RASGEF1C: variants seen among roughly 807,000 people sequenced by gnomAD.
The protein encoded by RASGEF1C is ras-GEF domain-containing family member 1C.
A neutral mutation model predicts 58.1 loss-of-function variants in RASGEF1C; 27 were observed. The ratio of observed to expected loss-of-function variants is 0.46; its 90% confidence interval spans 0.34 to 0.64. The LOEUF is 0.64. Among genes scored for constraint, RASGEF1C ranks in the 30% least tolerant of loss-of-function variants. RASGEF1C has a pLI of 0.01. For synonymous variants in RASGEF1C, 243 were observed against 246.3 expected (o/e 0.99, Z 0.13); for missense variants, 502 against 605.1 (o/e 0.83, Z 1.79).
chr5:180,109,839 T>TGCTGACA (rs1765929833), intron 12 of RASGEF1C, among the ~76,000 whole-genome samples: 1 of 152,238 alleles, frequency 6.6e-6, no homozygotes, highest in Non-Finnish European at 1.5e-5. Context: ...AAACCAGCCC[T>TGCTGACA]GCTGACAGCT....
intron 1 of RASGEF1C, among the ~76,000 whole-genome samples, chr5:180,204,730 C>G (rs996965376): frequency 3.9e-5 from 6 of 152,056 alleles, no homozygotes; most frequent in Non-Finnish European, 7.4e-5. Context: ...GGCCTTTTTA[C>G]TAAGGTCAGG....
intron 5 of RASGEF1C, 59 bp from the exon 6 acceptor site, chr5:180,127,742 TG>T: frequency 2.7e-6 from 4 of 1,498,400 alleles, no homozygotes; most frequent in Non-Finnish European, 3.6e-6. Flanking sequence ...GGGTGTCCAC[TG>T]GGGGGCCTGC....
chr5:180,121,681 A>ACACCCC (rs71892414), intron 6 of RASGEF1C, among the ~76,000 whole-genome samples: 5 of 73,466 alleles, frequency 6.8e-5, no homozygotes, highest in African/African-American at 1.7e-4. Context: ...ACACACACAC[A>ACACCCC]CCCTCATTAT....
At chr5:180,186,233 G>C (rs1453151819) in intron 1 of RASGEF1C, among the ~76,000 whole-genome samples, 1 of 151,884 alleles carries the variant, frequency 6.6e-6, no homozygotes, top group Non-Finnish European at 1.5e-5. Context: ...AAAAGAAGTA[G>C]TAAAATGATC....
chr5:180,118,598 C>A lies in RASGEF1C; in HGVS notation c.1083+11G>T. On this transcript the variant is annotated intron_variant, in intron 10 of 13. Coordinates refer to ENST00000361132, the MANE Select transcript of RASGEF1C (RefSeq NM_175062.4). ...CTGCAGCCCCCCTGGGCCAACGTGG[C>A]CCCGACCTACCTTCTCTCGGCTGCT... 6.3e-7 allele frequency: 1 copy of A among 1,598,772 alleles called. No individual in the cohort carries two copies. Among genetic ancestry groups the A allele is most frequent in the Non-Finnish European group, 8.5e-7 (1 of 1,172,474 alleles).
chr5:180,208,709 C>G (rs914667405), intron 1 of RASGEF1C, among the ~76,000 whole-genome samples: 6 of 151,984 alleles, frequency 3.9e-5, no homozygotes, highest in Non-Finnish European at 7.4e-5. Context: ...TTGGTCTAGG[C>G]TGGCTCTTCC....
At position 180,110,492 on chromosome 5, in the gene RASGEF1C, G is replaced by A. The variant is rs868698651; in HGVS notation, c.1303+965C>T. Among the ~76,000 whole-genome samples the A allele has an allele frequency of 8.9e-5, 13 of 146,164 alleles. 1 individual carries two copies. In the South Asian group the frequency reaches 1.7e-3, roughly 19 times the overall value. ...TGTGATGAGAAGCCAGGTCTTCTGC[G>A]TCCTGAGCAGGCCCTCTCAGGGTGA... is the stretch of plus-strand genomic sequence containing the variant. On this transcript the variant is annotated intron_variant, in intron 12 of 13. Coordinates refer to ENST00000361132, the MANE Select transcript of RASGEF1C (RefSeq NM_175062.4).
At chr5:180,133,476 A>G (rs1175191286) in intron 4 of RASGEF1C, among the ~76,000 whole-genome samples, 1 of 152,180 alleles carries the variant, frequency 6.6e-6, no homozygotes, top group Non-Finnish European at 1.5e-5. Flanking sequence ...CCTTTTACAG[A>G]AAGACACGGC....
chr5:180,152,623 T>C (rs1325357903), intron 1 of RASGEF1C, among the ~76,000 whole-genome samples: 1 of 145,792 alleles, frequency 6.9e-6, no homozygotes, highest in Non-Finnish European at 1.5e-5. Context: ...AAATGACGAG[T>C]TAATGGGTGC....
At chr5:180,124,307 C>T (rs1766221510) in intron 6 of RASGEF1C, among the ~76,000 whole-genome samples, 1 of 151,488 alleles carries the variant, frequency 6.6e-6, no homozygotes, top group Non-Finnish European at 1.5e-5. Flanking sequence ...GCTCCAAGAA[C>T]AAGTAATTCC....
chr5:180,121,656 CA>C (rs1766177037), intron 6 of RASGEF1C, among the ~76,000 whole-genome samples: 1 of 86,018 alleles, frequency 1.2e-5, no homozygotes, highest in African/African-American at 4.7e-5. Flanking sequence ...CACACACACA[CA>C]CACACACACA....
chr5:180,137,825 G>T lies in RASGEF1C; in HGVS notation c.177+51C>A, dbSNP rs984416521. 1.2e-6 allele frequency: 2 copies of T among 1,602,902 alleles called. No homozygotes were observed. Among genetic ancestry groups the T allele is most frequent in the Non-Finnish European group, 1.7e-6 (2 of 1,175,314 alleles). ...GTCACGCCCAACCCTGATGCCCCCCGTGCGTGGTGGAGGAGAGCCCACTCT... is the reference window on the plus strand; with the variant it reads ...GTCACGCCCAACCCTGATGCCCCCCTTGCGTGGTGGAGGAGAGCCCACTCT... On this transcript the variant is annotated intron_variant, in intron 2 of 13. Coordinates refer to ENST00000361132, the MANE Select transcript of RASGEF1C (RefSeq NM_175062.4). This position sits in a 1 kb window ranked among gnomAD's most constrained non-coding sequence, Gnocchi z 4.1.
intron 11 of RASGEF1C, among the ~76,000 whole-genome samples, chr5:180,113,786 A>G (rs1462401992): frequency 6.6e-6 from 1 of 150,694 alleles, no homozygotes; most frequent in Non-Finnish European, 1.5e-5. Context: ...GGGATTGGGG[A>G]TGGATGGAGG....
intron 11 of RASGEF1C, among the ~76,000 whole-genome samples, chr5:180,112,731 C>T (rs952161026): frequency 3.9e-5 from 6 of 152,214 alleles, no homozygotes; most frequent in African/African-American, 1.2e-4. Context: ...ACAGCTACGC[C>T]GAGACACGTG....
At chr5:180,103,803 T>C (rs1424323593) in intron 12 of RASGEF1C, among the ~76,000 whole-genome samples, 4 of 152,250 alleles carry the variant, frequency 2.6e-5, no homozygotes, top group Admixed American at 1.3e-4. Context: ...ATATAATGTT[T>C]GCAGAAGCGT....
At chr5:180,136,036 T>A (rs1034802496) in intron 4 of RASGEF1C, among the ~76,000 whole-genome samples, 24 of 151,832 alleles carry the variant, frequency 1.6e-4, no homozygotes, top group African/African-American at 4.4e-4. Context: ...CAGGAGGGGG[T>A]AGGTCTCCGT....
chr5:180,102,435 T>A (rs1240774601), intron 12 of RASGEF1C, among the ~76,000 whole-genome samples: 3 of 152,242 alleles, frequency 2.0e-5, no homozygotes, highest in African/African-American at 4.8e-5. Context: ...CATATCATAG[T>A]GGCATATTTG....
chr5:180,130,786 G>C (rs774464252), intron 4 of RASGEF1C, among the ~76,000 whole-genome samples: 5 of 152,242 alleles, frequency 3.3e-5, no homozygotes, highest in Non-Finnish European at 5.9e-5. Flanking sequence ...GCTCCTGGCT[G>C]TTCTGCTTCA....
intron 1 of RASGEF1C, among the ~76,000 whole-genome samples, chr5:180,144,357 G>A (rs13436528): frequency 0.022 from 3,302 of 152,256 alleles, 125 homozygotes; most frequent in African/African-American, 0.075. Flanking sequence ...GTGGGTCCAC[G>A]GCCCCAAATC....
Sources: allele counts gnomAD v4.1 joint callset (sites outside exome capture counted in the v4.1 genomes callset), GRCh38; gene constraint gnomAD v4.1.1; non-coding constraint Gnocchi (gnomAD v3.1); transcripts MANE v1.5; gene names NCBI Gene and HGNC (gene_info 2026-07-23, HGNC 2026-07-21).